The following TTBK1 variants were observed in gnomAD, a reference collection of about 807,000 sequenced individuals.
TTBK1 encodes tau tubulin kinase 1.
Under a neutral mutation model 108.5 loss-of-function variants are expected in TTBK1, and 34 were observed. The ratio of observed to expected loss-of-function variants is 0.31; its 90% confidence interval spans 0.24 to 0.42. The LOEUF is 0.42. Among genes scored for constraint, TTBK1 ranks in the 10% least tolerant of loss-of-function variants. The probability of loss-of-function intolerance (pLI) is 1.00; values close to 1 mark genes in which losing one functional copy is unlikely to be tolerated. For missense variants in TTBK1, 1,539 were observed against 1,826.0 expected (o/e 0.84, Z 2.86); for synonymous variants, 809 against 795.1 (o/e 1.02, Z -0.29).
rs963618070 is a variant in TTBK1, at chr6:43,263,234, G to T, written c.1870G>T (p.Asp624Tyr). The T allele has an allele frequency of 6.4e-7, 1 of 1,569,540 alleles. No individual in the cohort carries two copies. The highest frequency in any genetic ancestry group is 1.8e-5 in the Admixed American group (1 of 54,106). ...CCTGCCACCCCAGCTGAGCCAGGGCGATGGCCGTTCCGAGACGTCACAGCC... is the reference window on the plus strand; with the variant it reads ...CCTGCCACCCCAGCTGAGCCAGGGCTATGGCCGTTCCGAGACGTCACAGCC... ...QPLPPQLSQG[D>Y]GRSETSQPPT... The change falls in exon 13 of 15, where the codon GAT becomes TAT. Residue 624 changes from aspartate to tyrosine, a missense_variant. Around this residue, in one of 5 missense-constraint regions of TTBK1, gnomAD observed 1,055 missense variants for 1,086.5 expected, o/e 0.97. Coordinates refer to ENST00000259750, the MANE Select transcript of TTBK1 (RefSeq NM_032538.3). The surrounding 1 kb of genome is among the most constrained non-coding windows in gnomAD (Gnocchi z 4.7).
At position 43,284,191 on chromosome 6, in the gene TTBK1, G is replaced by C; in HGVS notation, c.3451G>C (p.Ala1151Pro). 1 of 1,575,002 alleles carries C rather than the reference G, an allele frequency of 6.3e-7. No individual in the cohort carries two copies. Among genetic ancestry groups the C allele is most frequent in the Non-Finnish European group, 8.6e-7 (1 of 1,168,440 alleles). ...GCCCAGGAAGAGCGGGAGGGCAGCC[G>C]CCACCAGGAGCCGGATTCCCCGCCC... ...ALPRKSGRAA[A>P]TRSRIPRPIG... Residue 1151 changes from alanine (A) to proline (P), a missense_variant, in exon 14 of 15, where the codon GCC becomes CCC. Physicochemically the swap from Ala to Pro is conservative, Grantham distance 27 (BLOSUM62 -1). Coordinates refer to ENST00000259750, the MANE Select transcript of TTBK1 (RefSeq NM_032538.3).
At chr6:43,278,361 T>C (rs966352447) in intron 13 of TTBK1, among the ~76,000 whole-genome samples, 1 of 152,136 alleles carries the variant, frequency 6.6e-6, no homozygotes, top group Admixed American at 6.5e-5. Flanking sequence ...GGGCTTTCAT[T>C]CTCTCTGAGG....
intron 14 of TTBK1, 66 bp downstream of exon 14, chr6:43,284,378 T>C: frequency 6.7e-7 from 1 of 1,482,938 alleles, no homozygotes; most frequent in Non-Finnish European, 8.9e-7. Context: ...AGGAGGGGCT[T>C]CTCCAGAACC....
At chr6:43,261,848 G>C (rs1314756612) in intron 12 of TTBK1, among the ~76,000 whole-genome samples, 1 of 149,846 alleles carries the variant, frequency 6.7e-6, no homozygotes, top group Non-Finnish European at 1.5e-5. Context: ...CAGAAGAGAT[G>C]TCCCAAGGCA....
In TTBK1 at chr6:43,276,553, A is replaced by G. The variant is rs1019418093; in HGVS notation, c.1987-6174A>G. The stretch of plus-strand genomic sequence containing the variant: ...GGCGGGGAGGGGGCGCCCCGCCGTC[A>G]CGCGTCGCTGTGCGAGGGATTTTGT... On this transcript the variant is annotated intron_variant, in intron 13 of 14. Transcript: ENST00000259750. The surrounding 1 kb of genome is among the most constrained non-coding windows in gnomAD (Gnocchi z 5.4). Among the ~76,000 whole-genome samples the G allele has an allele frequency of 6.6e-6, 1 of 152,232 alleles. No homozygotes were observed. Among genetic ancestry groups the G allele is most frequent in the East Asian group, 1.9e-4 (1 of 5,198 alleles).
intron 1 of TTBK1, among the ~76,000 whole-genome samples, chr6:43,244,162 G>A (rs1238384895): frequency 6.6e-6 from 1 of 151,726 alleles, no homozygotes; most frequent in African/African-American, 2.4e-5. Flanking sequence ...TATCTCTCAC[G>A]GGTCTCTATC....
Position 43,253,052 on chromosome 6 carries a change from G to A in TTBK1, c.256+166G>A, listed in dbSNP as rs1378524667. ...GAGGTGACGGAGCCAGAGTCTAGGA[G>A]AGATGGGACCGGGGTCTAAGACAGT... On this transcript the variant is annotated intron_variant, in intron 3 of 14. Coordinates refer to ENST00000259750, the MANE Select transcript of TTBK1 (RefSeq NM_032538.3). The surrounding 1 kb of genome is among the most constrained non-coding windows in gnomAD (Gnocchi z 5.8). Among the ~76,000 whole-genome samples, 1 of 152,144 alleles carries A rather than the reference G, an allele frequency of 6.6e-6. No individual in the cohort carries two copies. Among genetic ancestry groups the A allele is most frequent in the Admixed American group, 6.5e-5 (1 of 15,270 alleles).
intron 2 of TTBK1, among the ~76,000 whole-genome samples, chr6:43,250,954 G>A (rs1215614560): frequency 6.6e-6 from 1 of 152,188 alleles, no homozygotes; most frequent in Non-Finnish European, 1.5e-5. Context: ...CAGTTAGTCT[G>A]AGTCTGTCCC....
chr6:43,268,880 A>C (rs1777748351), intron 13 of TTBK1, among the ~76,000 whole-genome samples: 1 of 152,226 alleles, frequency 6.6e-6, no homozygotes, highest in Admixed American at 6.5e-5. Context: ...TAGATACTAA[A>C]ATAGCTCAGT....
Position 43,282,252 on chromosome 6 carries a change from GC to G in TTBK1, c.1987-472del, listed in dbSNP as rs902254757. ...GGCATCTAGGAGCCAGCCCGGCACA[GC>G]CCATCCAGGAAGTGGCACAGATACT... On this transcript the variant is annotated intron_variant, in intron 13 of 14. Transcript: ENST00000259750. The surrounding 1 kb of genome is among the most constrained non-coding windows in gnomAD (Gnocchi z 5.4). 2.0e-5 allele frequency among the ~76,000 whole-genome samples: 3 copies of G among 152,240 alleles called. No individual in the cohort carries two copies. The highest frequency in any genetic ancestry group is 7.2e-5 in the African/African-American group (3 of 41,458).
chr6:43,258,023 C>CCTGCCCTCTT, intron 10 of TTBK1, 57 bp downstream of exon 10: 1 of 1,571,248 alleles, frequency 6.4e-7, no homozygotes, highest in Non-Finnish European at 8.6e-7. Context: ...CCTAAGAGGG[C>CCTGCCCTCTT]AGGCGGTCCT....
At chr6:43,247,844 G>C (rs1777139245) in intron 2 of TTBK1, 1 of 152,354 alleles carries the variant, frequency 6.6e-6, no homozygotes, top group South Asian at 2.1e-4. Context: ...GATGTCTCTG[G>C]GACTGGGGGT....
intron 1 of TTBK1, among the ~76,000 whole-genome samples, chr6:43,244,354 G>C (rs533842943): frequency 6.6e-6 from 1 of 152,234 alleles, no homozygotes. Context: ...ATCAACACTT[G>C]TATTCACAGG....
chr6:43,254,942 A>T, intron 6 of TTBK1, 107 bp from the exon 7 acceptor site: 44 of 1,121,052 alleles, frequency 3.9e-5, no homozygotes, highest in Non-Finnish European at 5.9e-5. Flanking sequence ...CCACCTCCCC[A>T]GCCAGGGGAG....
In TTBK1 at chr6:43,253,582, C is replaced by G. The variant is rs200170794; in HGVS notation, c.345C>G (p.Ala115=). ...CCCCCATGCAGGGCCGGAACCTGGC[C>G]GACCTGCGCCGTAGCCAGCCGCGAG... is the stretch of plus-strand genomic sequence containing the variant. ...VVMQLQGRNL[A]DLRRSQPRGT... Residue 115 remains alanine (A), a synonymous_variant, in exon 5 of 15, where the codon GCC becomes GCG. Transcript: ENST00000259750. The surrounding 1 kb of genome is among the most constrained non-coding windows in gnomAD (Gnocchi z 5.8). 1.9e-6 allele frequency: 3 copies of G among 1,609,470 alleles called. No individual in the cohort carries two copies. Among genetic ancestry groups the G allele is most frequent in the East Asian group, 2.2e-5 (1 of 44,800 alleles).
In TTBK1 at chr6:43,285,513, C is replaced by T; in HGVS notation, c.*137C>T. On this transcript the variant is annotated 3_prime_UTR_variant, in exon 15 of 15. Transcript: ENST00000259750. This position sits in a 1 kb window ranked among gnomAD's most constrained non-coding sequence, Gnocchi z 4.7. ...GCGGCCCCAGCTTTCCGCCTGCACC[C>T]GCGAGGACGCGCGCGAGCACACGCG... is the stretch of plus-strand genomic sequence containing the variant. 1 of 1,125,298 alleles carries T rather than the reference C, an allele frequency of 8.9e-7. No homozygotes were observed. Among genetic ancestry groups the T allele is most frequent in the East Asian group, 3.4e-5 (1 of 29,766 alleles). 69.7% of individuals were successfully genotyped at this position (1,125,298 alleles called of 1,614,324 possible).
chr6:43,244,842 C>T (rs533696185), intron 1 of TTBK1, among the ~76,000 whole-genome samples: 1 of 152,306 alleles, frequency 6.6e-6, no homozygotes, highest in South Asian at 2.1e-4. Context: ...TTGTCCTCAA[C>T]CTGTCTCCTC....
Position 43,254,661 on chromosome 6 carries a change from GT to G in TTBK1, c.576+11del. ...GGGGGATGTGCGGCCCGTGAGTACCGTCGGGGCGGGGAGGACAGTGGAGGAC... is the reference window on the plus strand; with the variant it reads ...GGGGGATGTGCGGCCCGTGAGTACCGCGGGGCGGGGAGGACAGTGGAGGAC... On this transcript the variant is annotated intron_variant, in intron 6 of 14. Transcript: ENST00000259750. 1 of 1,552,522 alleles carries G rather than the reference GT, an allele frequency of 6.4e-7. No individual in the cohort carries two copies. Among genetic ancestry groups the G allele is most frequent in the Non-Finnish European group, 8.7e-7 (1 of 1,152,338 alleles).
At position 43,284,036 on chromosome 6, in the gene TTBK1, G is replaced by A; in HGVS notation, c.3296G>A (p.Gly1099Asp). ...LARLVMEKRQ[G>D]RLLLRLASGA... ...CGGCTGGTGATGGAGAAGAGGCAGG[G>A]CCGCCTGCTGTTGCGGCTGGCCTCA... The change falls in exon 14 of 15, where the codon GGC becomes GAC. Residue 1099 changes from glycine (G) to aspartate (D), a missense_variant. This residue lies in a region of TTBK1 where 1,055 missense variants were observed against 1,086.5 expected (regional missense o/e 0.97). Transcript: ENST00000259750. 1 of 1,556,880 alleles carries A rather than the reference G, an allele frequency of 6.4e-7. No individual in the cohort carries two copies. The highest frequency in any genetic ancestry group is 8.7e-7 in the Non-Finnish European group (1 of 1,149,730).
Sources: allele counts gnomAD v4.1 joint callset (sites outside exome capture counted in the v4.1 genomes callset), GRCh38; gene constraint gnomAD v4.1.1; regional missense constraint gnomAD v4.1.1; non-coding constraint Gnocchi (gnomAD v3.1); transcripts MANE v1.5; gene names NCBI Gene and HGNC (gene_info 2026-07-23, HGNC 2026-07-21).